The following TMEM65 variants were observed in gnomAD, a reference collection of about 807,000 sequenced individuals.
The protein encoded by TMEM65 is transmembrane protein 65.
Under a neutral mutation model 25.4 loss-of-function variants are expected in TMEM65, and 22 were observed. The ratio of observed to expected loss-of-function variants is 0.86; its 90% CI spans 0.62 to 1.23. TMEM65 has a LOEUF of 1.23. TMEM65 is among the 50% of genes most tolerant of loss of function. The pLI is 0.00. For missense variants in TMEM65, 262 were observed against 308.2 expected, an observed-to-expected ratio of 0.85 and a Z score of 1.12; for synonymous variants, 132 against 126.2, an observed-to-expected ratio of 1.05 and a Z score of -0.31.
intron 1 of TMEM65, among the ~76,000 whole-genome samples, chr8:124,352,770 G>A (rs1015812774): frequency 6.6e-6 from 1 of 152,064 alleles, no homozygotes; most frequent in Admixed American, 6.6e-5. Context: ...CTAGAACAGC[G>A]TTTTAGAGCT....
At chr8:124,344,920 C>T (rs1260213314) in intron 1 of TMEM65, among the ~76,000 whole-genome samples, 7 of 152,068 alleles carry the variant, frequency 4.6e-5, no homozygotes. Context: ...ATTGTGAATT[C>T]CATAGAGACC....
At position 124,365,139 on chromosome 8, in the gene TMEM65, C is replaced by A. The variant is rs1338745310; in HGVS notation, c.304+6715G>T. On this transcript the variant is annotated intron_variant, in intron 1 of 6. Coordinates refer to ENST00000297632, the MANE Select transcript of TMEM65 (RefSeq NM_194291.3). ...CAATTTTCCTATCCACAAATTTGAT[C>A]ATAACAATTTGTCACAAATAAAAAA... 2.0e-5 allele frequency among the ~76,000 whole-genome samples: 3 copies of A among 152,084 alleles called. No homozygotes were observed. The East Asian group carries it at 5.8e-4, about 29-fold the overall frequency.
At chr8:124,318,750 A>T (rs1328373401) in intron 6 of TMEM65, among the ~76,000 whole-genome samples, 1 of 152,102 alleles carries the variant, frequency 6.6e-6, no homozygotes, top group African/African-American at 2.4e-5. Context: ...TTACCAGGTA[A>T]TGTTGATCCT....
At chr8:124,320,776 A>T (rs1012463523) in intron 5 of TMEM65, among the ~76,000 whole-genome samples, 4 of 152,172 alleles carry the variant, frequency 2.6e-5, no homozygotes, top group African/African-American at 9.7e-5. Flanking sequence ...TTGCTAATTA[A>T]ACTATGTATA....
At chr8:124,338,421 G>GT (rs56006237) in intron 1 of TMEM65, among the ~76,000 whole-genome samples, 14,234 of 151,194 alleles carry the variant, frequency 0.094, 830 homozygotes, top group African/African-American at 0.17. Context: ...TGTAAGGGTG[G>GT]TTTTTTTTTA....
rs139962938 is a variant in TMEM65, at chr8:124,318,199, A to G, written c.621+1887T>C. Among the ~76,000 whole-genome samples, 553 of 152,094 alleles carry G rather than the reference A, an allele frequency of 3.6e-3. 1 individual carries two copies. Among genetic ancestry groups the G allele is most frequent in the Non-Finnish European group, 6.3e-3 (426 of 68,000 alleles). On this transcript the variant is annotated intron_variant, in intron 6 of 6. Coordinates refer to ENST00000297632, the MANE Select transcript of TMEM65 (RefSeq NM_194291.3). ...ATTAATTTTGCCAAAGACCTGGGTG[A>G]GCCTGGAAGTGGATTCATCACCAAT...
chr8:124,336,640 T>C (rs1814510561), intron 1 of TMEM65, among the ~76,000 whole-genome samples: 1 of 151,850 alleles, frequency 6.6e-6, no homozygotes, highest in Admixed American at 6.6e-5. Flanking sequence ...ACAATGAAAA[T>C]GCAATATATC....
intron 6 of TMEM65, among the ~76,000 whole-genome samples, chr8:124,317,613 C>T (rs559349000): frequency 4.9e-4 from 75 of 152,300 alleles, no homozygotes; most frequent in Admixed American, 3.1e-3. Context: ...GTAGCAGGCA[C>T]ATTTTAAGGC....
At chr8:124,342,052 T>C (rs1443446563) in intron 1 of TMEM65, among the ~76,000 whole-genome samples, 1 of 152,108 alleles carries the variant, frequency 6.6e-6, no homozygotes, top group Non-Finnish European at 1.5e-5. Flanking sequence ...CATAGCAATC[T>C]GATGGTTCTG....
chr8:124,357,794 A>T (rs1161176788), intron 1 of TMEM65, among the ~76,000 whole-genome samples: 1 of 70,004 alleles, frequency 1.4e-5, no homozygotes, highest in Admixed American at 1.5e-4. Flanking sequence ...GAGTCAGACA[A>T]ACCTTTTTTT....
chr8:124,336,353 T>C (rs145091181), intron 1 of TMEM65, among the ~76,000 whole-genome samples: 699 of 152,152 alleles, frequency 4.6e-3, no homozygotes, highest in Middle Eastern at 0.014. Context: ...CTACCAACTA[T>C]GTTGATCTAA....
intron 1 of TMEM65, among the ~76,000 whole-genome samples, chr8:124,350,119 AGTGTGTGTGTGTGTGT>A (rs71866914): frequency 2.7e-5 from 4 of 148,124 alleles, no homozygotes; most frequent in South Asian, 4.3e-4. Context: ...CTAATACATC[AGTGTGTGTGTGTGTGT>A]GTGTGTGTGT....
chr8:124,322,210 CAAT>C (rs1298894712), intron 4 of TMEM65, 63 bp from the exon 5 acceptor site: 3 of 1,220,436 alleles, frequency 2.5e-6, no homozygotes, highest in Non-Finnish European at 2.3e-6. Context: ...ACTATGTAAT[CAAT>C]AAAGCACTGA....
At chr8:124,369,032 T>G (rs763229688) in intron 1 of TMEM65, among the ~76,000 whole-genome samples, 2 of 152,346 alleles carry the variant, frequency 1.3e-5, no homozygotes, top group South Asian at 4.1e-4. Flanking sequence ...AAATTTGTTT[T>G]AAAAATTTTG....
In TMEM65 at chr8:124,371,933, G is replaced by A; in HGVS notation, c.225C>T (p.Phe75=). 3 of 1,527,456 alleles carry A rather than the reference G, an allele frequency of 2.0e-6. No homozygotes were observed. The highest frequency in any genetic ancestry group is 1.2e-5 in the South Asian group (1 of 82,484). 94.6% of individuals were successfully genotyped at this position (1,527,456 alleles called of 1,614,324 possible). A position where few individuals can be genotyped will look rare whatever the true frequency, so the allele number is the denominator to read the frequency against. Residue 75 remains phenylalanine (F), a synonymous_variant, in exon 1 of 7, where the codon TTC becomes TTT. Coordinates refer to ENST00000297632, the MANE Select transcript of TMEM65 (RefSeq NM_194291.3). ...TCTCCGTGGAGTGCAGGCTGTAGAT[G>A]AAGTCGCGCGCGCCCTGCGCCGTGT... ...ALNTAQGARD[F]IYSLHSTERS...
intron 1 of TMEM65, among the ~76,000 whole-genome samples, chr8:124,342,360 GA>G (rs1384346971): frequency 6.6e-6 from 1 of 152,098 alleles, no homozygotes; most frequent in Non-Finnish European, 1.5e-5. Flanking sequence ...CTCTAAGGAA[GA>G]AACTCATTGG....
In TMEM65 at chr8:124,307,579, A is replaced by G. The variant is rs1814107279; in HGVS notation, c.*6381T>C. 1 of 152,150 alleles carries G rather than the reference A, an allele frequency of 6.6e-6. No individual in the cohort carries two copies. Among genetic ancestry groups the G allele is most frequent in the African/African-American group, 2.4e-5 (1 of 41,418 alleles). 9.4% of individuals were successfully genotyped at this position (152,150 alleles called of 1,614,324 possible). On this transcript the variant is annotated 3_prime_UTR_variant, in exon 7 of 7. Coordinates refer to ENST00000297632, the MANE Select transcript of TMEM65 (RefSeq NM_194291.3). Reference sequence around the variant, plus strand: ...TTTATGTGGGTGCAGTATTGCTACAAGAAAGACGTACCTATAGGCTCTAAT... The same window carrying G: ...TTTATGTGGGTGCAGTATTGCTACAGGAAAGACGTACCTATAGGCTCTAAT...
intron 1 of TMEM65, among the ~76,000 whole-genome samples, chr8:124,344,051 C>G (rs982752376): frequency 2.0e-5 from 3 of 152,202 alleles, no homozygotes; most frequent in African/African-American, 7.2e-5. Context: ...TAGTGCTTCT[C>G]TAATAGTGGC....
chr8:124,321,481 A>T (rs1261220363), intron 5 of TMEM65, among the ~76,000 whole-genome samples: 1 of 152,116 alleles, frequency 6.6e-6, no homozygotes, highest in Admixed American at 6.5e-5. Flanking sequence ...ATGTAAAGAG[A>T]GAGAGAAAGC....
Sources: allele counts gnomAD v4.1 joint callset (sites outside exome capture counted in the v4.1 genomes callset), GRCh38; gene constraint gnomAD v4.1.1; transcripts MANE v1.5; gene names NCBI Gene and HGNC (gene_info 2026-07-23, HGNC 2026-07-21).